The following LYPD6B variants were observed in gnomAD, a reference collection of about 807,000 sequenced individuals.
The protein encoded by LYPD6B is ly6/PLAUR domain-containing protein 6B.
Under a neutral mutation model 22.8 loss-of-function variants are expected in LYPD6B, and 17 were observed. That is an observed-to-expected ratio of 0.75 (90% CI 0.51 to 1.12). LYPD6B has a LOEUF of 1.12. LYPD6B is among the 50% of genes most tolerant of loss of function. The pLI, the probability that LYPD6B is intolerant of heterozygous loss-of-function variation, is 0.00. For synonymous variants in LYPD6B, 106 were observed against 91.6 expected, an observed-to-expected ratio of 1.16 and a Z score of -0.90; for missense variants, 221 against 258.3, an observed-to-expected ratio of 0.86 and a Z score of 0.99.
intron 3 of LYPD6B, among the ~76,000 whole-genome samples, chr2:149,170,413 G>A (rs1384146007): frequency 3.9e-5 from 6 of 152,108 alleles, no homozygotes; most frequent in South Asian, 2.1e-4. Flanking sequence ...CTTCTATCAC[G>A]TCACTGTTCT....
intron 3 of LYPD6B, 154 bp from the exon 4 acceptor site, chr2:149,205,099 C>G: frequency 1.4e-6 from 1 of 722,548 alleles, no homozygotes; most frequent in Non-Finnish European, 2.2e-6. Flanking sequence ...TTCATTTGAT[C>G]AAAAACAATG....
intron 3 of LYPD6B, among the ~76,000 whole-genome samples, chr2:149,175,061 C>CTCTCTCTCTCTCTCTGTGTGTG (rs1454802925): frequency 2.7e-5 from 3 of 113,078 alleles, no homozygotes; most frequent in Non-Finnish European, 5.5e-5. Flanking sequence ...CTCTCTCTCT[C>CTCTCTCTCTCTCTCTGTGTGTG]TGTGTGTGTG....
At chr2:149,081,153 T>G (rs959568821) in intron 1 of LYPD6B, among the ~76,000 whole-genome samples, 2 of 152,170 alleles carry the variant, frequency 1.3e-5, no homozygotes, top group Non-Finnish European at 2.9e-5. Context: ...TCTTGAGATC[T>G]CAGATAGAAG....
intron 3 of LYPD6B, among the ~76,000 whole-genome samples, chr2:149,166,230 G>T (rs1477651335): frequency 6.6e-6 from 1 of 152,082 alleles, no homozygotes. Flanking sequence ...GGAAAGGGTG[G>T]GTTGATAGCC....
chr2:149,166,781 T>A (rs1690450806), intron 3 of LYPD6B, among the ~76,000 whole-genome samples: 1 of 152,012 alleles, frequency 6.6e-6, no homozygotes, highest in Admixed American at 6.6e-5. Flanking sequence ...CCAGCTAGAA[T>A]CTGAGCTGGA....
intron 1 of LYPD6B, among the ~76,000 whole-genome samples, chr2:149,045,588 A>G (rs576113968): frequency 2.0e-5 from 3 of 152,174 alleles, no homozygotes; most frequent in East Asian, 1.9e-4. Flanking sequence ...TTTGAAATGT[A>G]TATTTGAATT....
At chr2:149,139,253 G>A (rs149021810) in intron 2 of LYPD6B, among the ~76,000 whole-genome samples, 27 of 152,220 alleles carry the variant, frequency 1.8e-4, no homozygotes, top group African/African-American at 4.3e-4. Flanking sequence ...AACATAACCC[G>A]TTCTCCACTC....
intron 3 of LYPD6B, among the ~76,000 whole-genome samples, chr2:149,186,319 TAGA>T (rs1692099414): frequency 2.0e-5 from 3 of 152,222 alleles, no homozygotes; most frequent in Admixed American, 1.3e-4. Flanking sequence ...GTGGTCTGGA[TAGA>T]AGACCAAACT....
chr2:149,096,277 G>A (rs948041540), intron 1 of LYPD6B, among the ~76,000 whole-genome samples: 5 of 152,128 alleles, frequency 3.3e-5, no homozygotes, highest in African/African-American at 4.8e-5. Context: ...AGAACCAGTC[G>A]GGAGGGACAG....
chr2:149,148,935 A>AT (rs1179730675), intron 2 of LYPD6B, among the ~76,000 whole-genome samples: 4 of 152,176 alleles, frequency 2.6e-5, no homozygotes, highest in African/African-American at 9.7e-5. Flanking sequence ...AATCAAATAC[A>AT]TACCTGGAAA....
chr2:149,214,172 T>A (rs566972618), intron 6 of LYPD6B, among the ~76,000 whole-genome samples: 1 of 152,244 alleles, frequency 6.6e-6, no homozygotes, highest in East Asian at 1.9e-4. Context: ...AGAAAGAAAA[T>A]CAATGACTAA....
At position 149,140,560 on chromosome 2, in the gene LYPD6B, C is replaced by G. The variant is rs1688630883; in HGVS notation, c.5+9607C>G. Among the ~76,000 whole-genome samples the G allele has an allele frequency of 3.9e-5, 6 of 152,200 alleles. No individual in the cohort carries two copies. The South Asian group carries it at 1.2e-3, about 32-fold the overall frequency. ...GGAGTTAGCTAGATCCGACTCACAC[C>G]TGCTGGACCGTGAGAGCCAATGTCC... is the stretch of plus-strand genomic sequence containing the variant. On this transcript the variant is annotated intron_variant, in intron 2 of 6. Coordinates refer to ENST00000409642, the MANE Select transcript of LYPD6B (RefSeq NM_177964.5).
intron 2 of LYPD6B, among the ~76,000 whole-genome samples, chr2:149,159,456 G>A (rs1689907284): frequency 6.6e-6 from 1 of 152,158 alleles, no homozygotes; most frequent in African/African-American, 2.4e-5. Flanking sequence ...TGTTCTTACA[G>A]CCTCTTTTTA....
intron 1 of LYPD6B, among the ~76,000 whole-genome samples, chr2:149,119,931 G>C (rs553872095): frequency 6.6e-6 from 1 of 151,196 alleles, no homozygotes; most frequent in Non-Finnish European, 1.5e-5. Flanking sequence ...GTGGATGAAA[G>C]CAAAAAAAAA....
rs16826432 is a variant in LYPD6B at position 149,063,760 on chromosome 2, A to G, written c.-67+24959A>G. On this transcript the variant is annotated intron_variant, in intron 1 of 6. Transcript: ENST00000409642. ...GGTTGAATATTGCAAATCAAATTATAGAAAAAGTAGCCGGAAACATAATAT... is the reference window on the plus strand; with the variant it reads ...GGTTGAATATTGCAAATCAAATTATGGAAAAAGTAGCCGGAAACATAATAT... 8.4e-3 allele frequency among the ~76,000 whole-genome samples: 1,275 copies of G among 152,346 alleles called. 24 individuals are homozygous for G. Among genetic ancestry groups the G allele is most frequent in the African/African-American group, 0.03 (1,234 of 41,574 alleles).
In LYPD6B at chr2:149,189,367, TAC is replaced by T. The variant is rs775556861; in HGVS notation, c.78-15878_78-15877del. Among the ~76,000 whole-genome samples the T allele has an allele frequency of 6.4e-3, 515 of 80,566 alleles. 10 individuals are homozygous for T. The highest frequency in any genetic ancestry group is 0.038 in the East Asian group (115 of 2,988). The allele number at this position is 80,566 out of a possible 152,430, so 52.9% of individuals were successfully genotyped here. A position where few individuals can be genotyped will look rare whatever the true frequency, so the allele number is the denominator to read the frequency against. Reference sequence around the variant, plus strand: ...TTATATATATATATATATATATATATACACACACATATGTATATATGTATATA... The same window carrying T: ...TTATATATATATATATATATATATATACACACATATGTATATATGTATATA... On this transcript the variant is annotated intron_variant, in intron 3 of 6. Transcript: ENST00000409642.
intron 3 of LYPD6B, chr2:149,200,712 C>T (rs377455818): frequency 1.3e-5 from 2 of 152,200 alleles, no homozygotes; most frequent in East Asian, 1.9e-4. Context: ...CCAGGTAAGT[C>T]CTTGATTCTG....
intron 3 of LYPD6B, among the ~76,000 whole-genome samples, chr2:149,174,340 T>C (rs1691094104): frequency 6.6e-6 from 1 of 152,236 alleles, no homozygotes; most frequent in African/African-American, 2.4e-5. Context: ...CAAAGATAGT[T>C]TGATATCCTC....
At chr2:149,196,720 A>G (rs1001284059) in intron 3 of LYPD6B, among the ~76,000 whole-genome samples, 2 of 152,250 alleles carry the variant, frequency 1.3e-5, no homozygotes, top group African/African-American at 4.8e-5. Flanking sequence ...ATGTCTGTGT[A>G]TATGCACATA....
Sources: gnomAD v4.1 joint callset for allele counts (sites outside exome capture counted in the v4.1 genomes callset) on GRCh38, gnomAD v4.1.1 for gene constraint, MANE v1.5 for transcripts, NCBI Gene and HGNC (gene_info 2026-07-23, HGNC 2026-07-21) for gene names.